Variants in NETO1 observed in about 807,000 individuals in gnomAD.
The protein encoded by NETO1 is neuropilin and tolloid like 1.
Under a neutral mutation model 61.3 loss-of-function variants are expected in NETO1, and 26 were observed. The observed-to-expected ratio is 0.42, with a 90% confidence interval of 0.31 to 0.59. NETO1 has a LOEUF of 0.59. Ranked by LOEUF, NETO1 falls within the 20% of genes least tolerant of loss-of-function variation. NETO1 has a pLI of 0.12. For synonymous variants in NETO1, 225 were observed against 225.8 expected (o/e 1.00, Z 0.03); for missense variants, 531 against 662.8 (o/e 0.80, Z 2.18).
intron 4 of NETO1, among the ~76,000 whole-genome samples, chr18:72,821,532 T>C (rs1488119931): frequency 7.4e-6 from 1 of 135,348 alleles, no homozygotes; most frequent in Non-Finnish European, 1.5e-5. Context: ...GCCATTGCAG[T>C]CCATCCTGGG....
chr18:72,848,706 T>A (rs2074162267), intron 4 of NETO1, among the ~76,000 whole-genome samples: 1 of 152,140 alleles, frequency 6.6e-6, no homozygotes, highest in South Asian at 2.1e-4. Context: ...CTCCCCACCC[T>A]GTGGACTTGA....
intron 4 of NETO1, among the ~76,000 whole-genome samples, chr18:72,841,782 C>T (rs1009032402): frequency 2.1e-5 from 3 of 141,458 alleles, no homozygotes; most frequent in Non-Finnish European, 4.6e-5. Flanking sequence ...ACTGATGGAG[C>T]ATGCCCGAAA....
intron 3 of NETO1, among the ~76,000 whole-genome samples, chr18:72,860,855 T>C (rs184812413): frequency 1.9e-4 from 29 of 152,332 alleles, no homozygotes; most frequent in Middle Eastern, 3.4e-3. Context: ...GACCCATTTA[T>C]GTATCAGTAC....
chr18:72,839,792 A>G (rs993347734), intron 4 of NETO1, among the ~76,000 whole-genome samples: 2 of 11,398 alleles, frequency 1.8e-4, no homozygotes, highest in Admixed American at 1.3e-3. Flanking sequence ...CATGTTTAAG[A>G]CATGTTATAA....
chr18:72,828,898 G>A (rs1450383346), intron 4 of NETO1, among the ~76,000 whole-genome samples: 2 of 152,164 alleles, frequency 1.3e-5, no homozygotes, highest in African/African-American at 4.8e-5. Context: ...TCTTACAGTT[G>A]AAGGGGAAAT....
At chr18:72,855,236 C>A (rs1599168760) in intron 4 of NETO1, among the ~76,000 whole-genome samples, 1 of 152,194 alleles carries the variant, frequency 6.6e-6, no homozygotes. Flanking sequence ...CTCTTCAGGG[C>A]ATCATCCACA....
intron 4 of NETO1, among the ~76,000 whole-genome samples, chr18:72,817,317 C>T (rs1373260064): frequency 2.0e-5 from 3 of 152,236 alleles, no homozygotes; most frequent in Admixed American, 2.0e-4. Context: ...TCAAGTCCCA[C>T]AGCCCACAGC....
rs540020095 is a variant in NETO1, at chr18:72,798,479, C to T, written c.470-4075G>A. The stretch of plus-strand genomic sequence containing the variant: ...ATCAGTGAGTGGCAAGTGTCACAAG[C>T]GGCATCTGGTGACAGGCTTTGTAGT... On this transcript the variant is annotated intron_variant, in intron 4 of 10. Coordinates refer to ENST00000327305, the MANE Select transcript of NETO1 (RefSeq NM_138966.5). Among the ~76,000 whole-genome samples the T allele has an allele frequency of 4.6e-5, 7 of 152,244 alleles. No homozygotes were observed. The South Asian group carries it at 6.2e-4, about 14-fold the overall frequency.
Position 72,837,487 on chromosome 18 carries a change from C to T in NETO1, c.469+21339G>A, listed in dbSNP as rs139521927. Reference sequence around the variant, plus strand: ...ATCATTTTGATTTTCATAGGACGAACTGCACAGAAGTTAACAGCAACGGTT... The same window carrying T: ...ATCATTTTGATTTTCATAGGACGAATTGCACAGAAGTTAACAGCAACGGTT... On this transcript the variant is annotated intron_variant, in intron 4 of 10. Coordinates refer to ENST00000327305, the MANE Select transcript of NETO1 (RefSeq NM_138966.5). 3.1e-3 allele frequency among the ~76,000 whole-genome samples: 474 copies of T among 152,228 alleles called. 2 individuals carry two copies. The highest frequency in any genetic ancestry group is 0.011 in the African/African-American group (452 of 41,538).
intron 4 of NETO1, among the ~76,000 whole-genome samples, chr18:72,813,995 G>C (rs1448990323): frequency 1.3e-5 from 2 of 151,950 alleles, no homozygotes; most frequent in East Asian, 3.9e-4. Flanking sequence ...CGGGAGACTG[G>C]AATGATGTAT....
chr18:72,841,025 G>A (rs1240591328), intron 4 of NETO1, among the ~76,000 whole-genome samples: 1 of 152,176 alleles, frequency 6.6e-6, no homozygotes, highest in Non-Finnish European at 1.5e-5. Flanking sequence ...AAGAACAACA[G>A]CTGTTTATTT....
chr18:72,757,691 C>T (rs908149953), intron 7 of NETO1, among the ~76,000 whole-genome samples: 2 of 152,080 alleles, frequency 1.3e-5, no homozygotes, highest in African/African-American at 2.4e-5. Context: ...TCTGTATAAA[C>T]CTTTCATAAT....
At chr18:72,839,288 TTG>T (rs1474898424) in intron 4 of NETO1, among the ~76,000 whole-genome samples, 3 of 152,220 alleles carry the variant, frequency 2.0e-5, no homozygotes, top group African/African-American at 7.2e-5. Flanking sequence ...CAGTTATTAG[TTG>T]TATCAATGTG....
chr18:72,813,228 A>G (rs2072926116), intron 4 of NETO1, among the ~76,000 whole-genome samples: 1 of 152,194 alleles, frequency 6.6e-6, no homozygotes. Context: ...GGAGAACTGC[A>G]CCTCAAATAC....
intron 7 of NETO1, among the ~76,000 whole-genome samples, chr18:72,768,576 T>A (rs1458397500): frequency 6.6e-6 from 1 of 152,190 alleles, no homozygotes; most frequent in Non-Finnish European, 1.5e-5. Context: ...CAGGTGTGAA[T>A]AAAGATTTCA....
At chr18:72,827,509 G>T (rs1189377693) in intron 4 of NETO1, among the ~76,000 whole-genome samples, 1 of 152,150 alleles carries the variant, frequency 6.6e-6, no homozygotes, top group African/African-American at 2.4e-5. Context: ...AAACAAGATT[G>T]CAAGAAACTG....
Position 72,867,887 on chromosome 18 carries a change from C to G in NETO1, c.-596G>C, listed in dbSNP as rs1025274117. 6.6e-6 allele frequency: 1 copy of G among 152,598 alleles called. No homozygotes were observed. Among genetic ancestry groups the G allele is most frequent in the African/African-American group, 2.4e-5 (1 of 41,306 alleles). 9.5% of individuals were successfully genotyped at this position (152,598 alleles called of 1,614,324 possible). The stretch of plus-strand genomic sequence containing the variant: ...GGGAGGATGTCCAGCGGCAGCGCTC[C>G]TCGCTCCAGCCCTTGGGGATCTTCC... On this transcript the variant is annotated 5_prime_UTR_variant, in exon 1 of 11. Transcript: ENST00000327305.
intron 4 of NETO1, among the ~76,000 whole-genome samples, chr18:72,816,564 AT>A (rs1390889808): frequency 6.6e-6 from 1 of 152,194 alleles, no homozygotes; most frequent in Non-Finnish European, 1.5e-5. Context: ...AGAGCCAAGT[AT>A]TCAGGGCATA....
intron 1 of NETO1, chr18:72,865,452 G>A (rs1028628769): frequency 8.0e-7 from 1 of 1,252,230 alleles, no homozygotes; most frequent in Non-Finnish European, 1.1e-6. Flanking sequence ...TGCAAGTTAA[G>A]AATGGATGAG....
Sources: gnomAD v4.1 joint callset for allele counts (sites outside exome capture counted in the v4.1 genomes callset) on GRCh38, gnomAD v4.1.1 for gene constraint, MANE v1.5 for transcripts, NCBI Gene and HGNC (gene_info 2026-07-23, HGNC 2026-07-21) for gene names.